Variants in DENND4C observed in about 807,000 individuals in gnomAD.
The protein encoded by DENND4C is DENN domain-containing protein 4C.
Under a neutral mutation model 203.0 loss-of-function variants are expected in DENND4C, and 108 were observed. The observed-to-expected ratio is 0.53, with a 90% confidence interval of 0.46 to 0.62. DENND4C has a LOEUF of 0.62. Ranked by LOEUF, DENND4C falls within the 20% of genes least tolerant of loss-of-function variation. The pLI, the probability that DENND4C is intolerant of heterozygous loss-of-function variation, is 0.00. For missense variants in DENND4C, 2,481 were observed against 2,301.2 expected (o/e 1.08, Z -1.60); for synonymous variants, 871 against 792.4 (o/e 1.10, Z -1.67).
rs920091778 is a variant in DENND4C, at chr9:19,319,437, C to CAT, written c.1807+2608_1807+2609dup. ...ATATATATACATATATATATACACA[C>CAT]ATATATATATACATATATATATATA... On this transcript the variant is annotated intron_variant, in intron 12 of 32. Transcript: ENST00000434457. 1.3e-3 allele frequency among the ~76,000 whole-genome samples: 192 copies of CAT among 142,410 alleles called. 1 individual carries two copies. Among genetic ancestry groups the CAT allele is most frequent in the East Asian group, 7.4e-3 (37 of 5,014 alleles). The allele number at this position is 142,410 out of a possible 152,430, so 93.4% of individuals were successfully genotyped here. A position where few individuals can be genotyped will look rare whatever the true frequency, so the allele number is the denominator to read the frequency against.
chr9:19,232,299 A>G (rs1349513692), intron 1 of DENND4C, among the ~76,000 whole-genome samples: 2 of 151,510 alleles, frequency 1.3e-5, no homozygotes, highest in Non-Finnish European at 2.9e-5. Flanking sequence ...GTTTTCTGCC[A>G]CTCAATCCAC....
intron 30 of DENND4C, among the ~76,000 whole-genome samples, chr9:19,365,272 T>C (rs1477873983): frequency 6.6e-6 from 1 of 152,206 alleles, no homozygotes; most frequent in Non-Finnish European, 1.5e-5. Flanking sequence ...TTGTGTAATA[T>C]ACTATCAATA....
At chr9:19,255,444 A>G (rs963324867) in intron 1 of DENND4C, among the ~76,000 whole-genome samples, 1 of 151,718 alleles carries the variant, frequency 6.6e-6, no homozygotes, top group Non-Finnish European at 1.5e-5. Flanking sequence ...AACCATCAAA[A>G]TACTGTTATC....
At chr9:19,339,244 C>T (rs1821104406) in intron 20 of DENND4C, among the ~76,000 whole-genome samples, 1 of 152,046 alleles carries the variant, frequency 6.6e-6, no homozygotes, top group Admixed American at 6.6e-5. Context: ...CTTTGGTTAC[C>T]AAATTCAGGA....
intron 23 of DENND4C, among the ~76,000 whole-genome samples, chr9:19,348,401 C>T (rs550279458): frequency 1.3e-5 from 2 of 152,182 alleles, no homozygotes. Context: ...AGAAAAAAAG[C>T]AAAGCAGGTG....
intron 26 of DENND4C, 112 bp from the exon 27 acceptor site, chr9:19,356,860 T>C: frequency 9.9e-7 from 1 of 1,011,904 alleles, no homozygotes; most frequent in Non-Finnish European, 1.4e-6. Context: ...TTCTGGATTA[T>C]ATATAATTTT....
At chr9:19,304,048 TAA>T (rs34261020) in intron 9 of DENND4C, among the ~76,000 whole-genome samples, 4,969 of 138,720 alleles carry the variant, frequency 0.036, 277 homozygotes, top group African/African-American at 0.12. Context: ...CTGTCTTTTT[TAA>T]AAAAAAAAAA....
chr9:19,275,438 C>T (rs960531811), intron 1 of DENND4C, among the ~76,000 whole-genome samples: 2 of 150,898 alleles, frequency 1.3e-5, no homozygotes, highest in African/African-American at 2.4e-5. Flanking sequence ...GACTGACAGG[C>T]GCACACCACC....
At chr9:19,302,019 CTT>C (rs1442969031) in intron 9 of DENND4C, among the ~76,000 whole-genome samples, 1 of 152,126 alleles carries the variant, frequency 6.6e-6, no homozygotes, top group Non-Finnish European at 1.5e-5. Flanking sequence ...GTGGCCAAGT[CTT>C]TTGATGGATT....
chr9:19,254,799 T>TTA (rs1333868204), intron 1 of DENND4C, among the ~76,000 whole-genome samples: 2 of 152,096 alleles, frequency 1.3e-5, no homozygotes, highest in Admixed American at 6.6e-5. Flanking sequence ...ACCTTGAATG[T>TTA]TATATATATA....
intron 6 of DENND4C, among the ~76,000 whole-genome samples, chr9:19,297,688 T>C (rs1201490294): frequency 6.6e-6 from 1 of 152,170 alleles, no homozygotes; most frequent in African/African-American, 2.4e-5. Flanking sequence ...GGAGTAAATC[T>C]GGGATTAAAC....
intron 1 of DENND4C, among the ~76,000 whole-genome samples, chr9:19,241,448 A>C (rs1212647021): frequency 2.0e-5 from 3 of 151,816 alleles, no homozygotes; most frequent in Non-Finnish European, 4.4e-5. Flanking sequence ...CCTGGGCTCA[A>C]GTGATTCTCT....
intron 2 of DENND4C, among the ~76,000 whole-genome samples, chr9:19,284,353 A>G (rs985024768): frequency 3.3e-5 from 5 of 152,174 alleles, no homozygotes; most frequent in Non-Finnish European, 7.4e-5. Context: ...ACTTTATTCA[A>G]TGAAACCTCT....
rs745842611 is a variant in DENND4C at position 19,326,156 on chromosome 9, A to G, written c.2082A>G (p.Pro694=). Residue 694 remains proline, a synonymous_variant, in exon 15 of 33, where the codon CCA becomes CCG. Transcript: ENST00000434457. ...EHTVFIMPPE[P]PPDDGKDLSP... is the part of the protein sequence containing the mutation. ...CTGTATTTATAATGCCGCCAGAGCC[A>G]CCTCCTGATGATGGAAAGGACCTGT... 16 of 1,613,236 alleles carry G rather than the reference A, an allele frequency of 9.9e-6. No individual in the cohort carries two copies. The East Asian group carries it at 3.3e-4, about 34-fold the overall frequency.
chr9:19,309,000 T>C (rs141195298), intron 10 of DENND4C, among the ~76,000 whole-genome samples: 1 of 152,324 alleles, frequency 6.6e-6, no homozygotes, highest in East Asian at 1.9e-4. Context: ...TTCAATGAAA[T>C]GTCCAAAGCA....
chr9:19,245,407 C>T (rs538793736), intron 1 of DENND4C, among the ~76,000 whole-genome samples: 4 of 148,810 alleles, frequency 2.7e-5, no homozygotes, highest in African/African-American at 7.4e-5. Flanking sequence ...GCGGAGCTTG[C>T]AGTGAGCCAA....
intron 10 of DENND4C, among the ~76,000 whole-genome samples, chr9:19,309,040 G>C (rs1840243652): frequency 6.6e-6 from 1 of 152,204 alleles, no homozygotes; most frequent in African/African-American, 2.4e-5. Flanking sequence ...AAAGTAGATT[G>C]ATTAGTGATT....
intron 1 of DENND4C, among the ~76,000 whole-genome samples, chr9:19,249,558 C>G (rs1372248674): frequency 1.3e-5 from 2 of 152,000 alleles, no homozygotes; most frequent in East Asian, 3.9e-4. Flanking sequence ...GCCTGGCCAC[C>G]AGTAGTAATT....
intron 20 of DENND4C, among the ~76,000 whole-genome samples, chr9:19,338,251 G>A (rs769773202): frequency 4.0e-5 from 6 of 151,772 alleles, no homozygotes; most frequent in Non-Finnish European, 8.8e-5. Flanking sequence ...GAAGAAATGG[G>A]CTTCATGTAT....
Sources: gnomAD v4.1 joint callset for allele counts (sites outside exome capture counted in the v4.1 genomes callset) on GRCh38, gnomAD v4.1.1 for gene constraint, MANE v1.5 for transcripts, NCBI Gene and HGNC (gene_info 2026-07-23, HGNC 2026-07-21) for gene names.